TENM2: variants seen among roughly 807,000 people sequenced by gnomAD.
The protein encoded by TENM2 is teneurin transmembrane protein 2.
In TENM2, 52 loss-of-function variants were observed where a neutral mutation model predicts 245.2. The ratio of observed to expected loss-of-function variants is 0.21; its 90% CI spans 0.17 to 0.27. TENM2 has a LOEUF of 0.27. TENM2 is among the 10% of genes least tolerant of loss of function. The pLI, the probability that TENM2 is intolerant of heterozygous loss-of-function variation, is 1.00. For missense variants in TENM2, 3,046 were observed against 3,666.8 expected (o/e 0.83, Z 4.37); for synonymous variants, 1,363 against 1,438.9 (o/e 0.95, Z 1.19).
In TENM2 at chr5:168,090,614, G is replaced by A. The variant is rs774109736; in HGVS notation, c.1556G>A (p.Ser519Asn). ...CGTCTGGACGGGAAGGAGAAGTGGA[G>A]TGTGGTTGAGTCTCCCAGGGAACGC... Residue 519 changes from serine (S) to asparagine (N), a missense_variant, in exon 8 of 29, where the codon AGT (serine) becomes AAT (asparagine). Around this residue, in one of 2 missense-constraint regions of TENM2, gnomAD observed 2,704 missense variants for 3,331.9 expected, o/e 0.81. Coordinates refer to ENST00000518659, the Ensembl canonical transcript of TENM2. 7 of 1,613,608 alleles carry A rather than the reference G, an allele frequency of 4.3e-6. No individual in the cohort carries two copies. The African/African-American group carries it at 6.7e-5, about 15-fold the overall frequency.
chr5:167,206,964 T>C, the TENM2 span, among the ~76,000 whole-genome samples: 5 of 152,052 alleles, frequency 3.3e-5, no homozygotes, highest in African/African-American at 1.2e-4. Context: ...ATCATAAAGA[T>C]TTAAAATAAG....
chr5:167,814,629 A>T lies in TENM2; in HGVS notation c.503-61357A>T, dbSNP rs538210607. ...GGCACATGGTTGAAGTATTTTATTT[A>T]AAAAAAAAAGTTTTAATATTTATTT... On this transcript the variant is annotated intron_variant, in intron 2 of 28. Transcript: ENST00000518659. Among the ~76,000 whole-genome samples the T allele has an allele frequency of 2.0e-3, 288 of 146,108 alleles. 1 individual carries two copies. The highest frequency in any genetic ancestry group is 0.011 in the Middle Eastern group (3 of 284).
Position 167,812,521 on chromosome 5 carries a change from G to A in TENM2, c.503-63465G>A, listed in dbSNP as rs182047819. On this transcript the variant is annotated intron_variant, in intron 2 of 28. Coordinates refer to ENST00000518659, the Ensembl canonical transcript of TENM2. Reference sequence around the variant, plus strand: ...AGCTTTTTATTTCTTTAATTTATTGGTGAATGCTGCTCGTGGACATTTAAT... The same window carrying A: ...AGCTTTTTATTTCTTTAATTTATTGATGAATGCTGCTCGTGGACATTTAAT... Among the ~76,000 whole-genome samples the A allele has an allele frequency of 1.8e-4, 27 of 152,222 alleles. 1 individual carries two copies. Among genetic ancestry groups the A allele is most frequent in the Admixed American group, 1.7e-3 (26 of 15,280 alleles).
At chr5:167,703,616 ACT>A (rs957116222) in intron 2 of TENM2, among the ~76,000 whole-genome samples, 6 of 151,232 alleles carry the variant, frequency 4.0e-5, no homozygotes, top group Non-Finnish European at 8.8e-5. Context: ...AACAAAGAAG[ACT>A]CTCCGTAGGA....
At chr5:168,261,624 A>G (rs1252149646) in intron 28 of TENM2, among the ~76,000 whole-genome samples, 5 of 152,226 alleles carry the variant, frequency 3.3e-5, no homozygotes, top group Admixed American at 1.3e-4. Context: ...AGGCTGTTCA[A>G]ATCAACATCC....
the TENM2 span, among the ~76,000 whole-genome samples, chr5:167,170,525 G>T: frequency 6.6e-6 from 1 of 152,086 alleles, no homozygotes; most frequent in Non-Finnish European, 1.5e-5. Context: ...AATTTGCATG[G>T]CATGTCACGT....
At chr5:167,663,182 G>GAGAGAGAGAA (rs1554097413) in intron 2 of TENM2, among the ~76,000 whole-genome samples, 4 of 137,514 alleles carry the variant, frequency 2.9e-5, no homozygotes, top group African/African-American at 5.9e-5. Context: ...GAGAGAGAGA[G>GAGAGAGAGAA]AGAGAAAGAG....
At chr5:167,705,763 C>G (rs1490460844) in intron 2 of TENM2, among the ~76,000 whole-genome samples, 2 of 151,700 alleles carry the variant, frequency 1.3e-5, no homozygotes, top group African/African-American at 4.8e-5. Flanking sequence ...CAAATACTTC[C>G]CTGTTTCCCC....
At chr5:167,887,101 C>A (rs1254927652) in intron 3 of TENM2, among the ~76,000 whole-genome samples, 1 of 152,240 alleles carries the variant, frequency 6.6e-6, no homozygotes, top group African/African-American at 2.4e-5. Flanking sequence ...ACCATCATTT[C>A]CTCAGAGCTT....
At chr5:167,786,157 G>A (rs976932205) in intron 2 of TENM2, among the ~76,000 whole-genome samples, 1 of 152,064 alleles carries the variant, frequency 6.6e-6, no homozygotes, top group African/African-American at 2.4e-5. Flanking sequence ...TCAACTTCTA[G>A]TTTTGGAAAA....
the TENM2 span, among the ~76,000 whole-genome samples, chr5:167,102,690 G>C: frequency 6.6e-6 from 1 of 152,186 alleles, no homozygotes; most frequent in African/African-American, 2.4e-5. Context: ...ACATAGCCTC[G>C]CTCTGTTGCT....
intron 2 of TENM2, among the ~76,000 whole-genome samples, chr5:167,476,332 A>G (rs985506303): frequency 6.6e-6 from 1 of 152,150 alleles, no homozygotes; most frequent in Admixed American, 6.5e-5. Context: ...TTCCTTGTGC[A>G]TGGTCTTGTA....
chr5:167,546,280 T>C (rs1320360753), intron 2 of TENM2, among the ~76,000 whole-genome samples: 1 of 152,184 alleles, frequency 6.6e-6, no homozygotes, highest in Non-Finnish European at 1.5e-5. Flanking sequence ...GCATGTCTTC[T>C]TTTTTTGTTT....
rs925610083 is a variant in TENM2, at chr5:168,203,594, C to T, written c.3431-95C>T. 5.5e-5 allele frequency: 71 copies of T among 1,296,416 alleles called. 1 individual carries two copies. Among genetic ancestry groups the T allele is most frequent in the South Asian group, 5.2e-4 (31 of 59,850 alleles). 80.3% of individuals were successfully genotyped at this position (1,296,416 alleles called of 1,614,324 possible). On this transcript the variant is annotated intron_variant, in intron 17 of 28. Transcript: ENST00000518659. ...TTTTGGAACAGAATCTGTATTACTG[C>T]GAACACGTGCTTCTCATTCTTGCTA... is the stretch of plus-strand genomic sequence containing the variant.
the TENM2 span, among the ~76,000 whole-genome samples, chr5:167,227,681 T>C: frequency 0.034 from 5,221 of 152,302 alleles, 298 homozygotes; most frequent in African/African-American, 0.12. Flanking sequence ...CTTACTGTTT[T>C]AGATTTCTCT....
At chr5:167,718,471 A>T (rs572725790) in intron 2 of TENM2, among the ~76,000 whole-genome samples, 3 of 152,336 alleles carry the variant, frequency 2.0e-5, no homozygotes, top group African/African-American at 7.2e-5. Context: ...TGTACGTGAA[A>T]GCAGTGTGAA....
chr5:167,856,494 A>G (rs1018070759), intron 2 of TENM2, among the ~76,000 whole-genome samples: 18 of 152,228 alleles, frequency 1.2e-4, no homozygotes, highest in Admixed American at 2.0e-4. Context: ...CAACACAGTG[A>G]CATGTTTCCT....
chr5:167,901,286 T>C (rs1278717757), intron 3 of TENM2, among the ~76,000 whole-genome samples: 1 of 152,346 alleles, frequency 6.6e-6, no homozygotes, highest in East Asian at 1.9e-4. Context: ...AGATACTCAA[T>C]AAATGTTGAT....
exon 15 of TENM2, chr5:168,195,188 C>A: frequency 6.2e-7 from 1 of 1,601,468 alleles, no homozygotes; most frequent in Non-Finnish European, 8.5e-7. Context: ...TGGTTTCTCT[C>A]ATCCGAGGCC....
Sources: allele counts gnomAD v4.1 joint callset (sites outside exome capture counted in the v4.1 genomes callset), GRCh38; gene constraint gnomAD v4.1.1; regional missense constraint gnomAD v4.1.1; transcripts MANE v1.5; gene names NCBI Gene and HGNC (gene_info 2026-07-23, HGNC 2026-07-21).